Variants in STMN2 observed in about 807,000 individuals in gnomAD.
STMN2 encodes stathmin 2, also known as stathmin-2.
STMN2 carries 2 observed loss-of-function variants against 24.1 expected under a neutral mutation model. The observed-to-expected ratio is 0.08, with a 90% CI of 0.03 to 0.26. The LOEUF (loss-of-function observed/expected upper bound fraction) is 0.26, where lower values mean the gene tolerates loss of function less well. Among genes scored for constraint, STMN2 ranks in the 10% least tolerant of loss-of-function variants. The probability of loss-of-function intolerance (pLI) is 1.00; values close to 1 mark genes in which losing one functional copy is unlikely to be tolerated. For synonymous variants in STMN2, 83 were observed against 77.5 expected (o/e 1.07, Z -0.37); for missense variants, 114 against 213.6 (o/e 0.53, Z 2.91).
At position 79,663,587 on chromosome 8, in the gene STMN2, A is replaced by G. The variant is rs566485235; in HGVS notation, c.481-1228A>G. ...ATAAGTTTTACTTTATAGCTGGTCA[A>G]GTTTATTTCTTCTGAACTAAAAGAA... On this transcript the variant is annotated intron_variant, in intron 4 of 4. Coordinates refer to ENST00000220876, the MANE Select transcript of STMN2 (RefSeq NM_007029.4). The G allele has an allele frequency of 1.4e-5, 21 of 1,526,298 alleles. No homozygotes were observed. In the South Asian group the frequency reaches 2.5e-4, roughly 18 times the overall value. 94.5% of individuals were successfully genotyped at this position (1,526,298 alleles called of 1,614,324 possible). A position where few individuals can be genotyped will look rare whatever the true frequency, so the allele number is the denominator to read the frequency against.
intron 4 of STMN2, among the ~76,000 whole-genome samples, chr8:79,657,952 G>A (rs1806413865): frequency 6.6e-6 from 1 of 152,200 alleles, no homozygotes; most frequent in African/African-American, 2.4e-5. Flanking sequence ...CAAAAGGCAT[G>A]ACACTGCCAA....
chr8:79,626,148 A>G (rs575412279), intron 1 of STMN2, among the ~76,000 whole-genome samples: 1 of 74,930 alleles, frequency 1.3e-5, no homozygotes, highest in South Asian at 5.1e-4. Flanking sequence ...TAAATTATCT[A>G]AGGTTAATAG....
chr8:79,634,658 T>C (rs1446089157), intron 1 of STMN2, among the ~76,000 whole-genome samples: 1 of 152,236 alleles, frequency 6.6e-6, no homozygotes, highest in Non-Finnish European at 1.5e-5. Flanking sequence ...TGGCTACATG[T>C]GACTTTGGCC....
intron 1 of STMN2, among the ~76,000 whole-genome samples, chr8:79,625,188 A>G (rs1809623372): frequency 6.6e-6 from 1 of 152,016 alleles, no homozygotes; most frequent in African/African-American, 2.4e-5. Flanking sequence ...ACTTTTTTCC[A>G]CATTTTGAAC....
rs757136955 is a variant in STMN2 at position 79,636,752 on chromosome 8, G to A, written c.20-50G>A. ...TATTCAAATTAAAGGAAGCAGTAAA[G>A]AGAAATTCAGAAAAAATGAAATATA... On this transcript the variant is annotated intron_variant, in intron 1 of 4. Coordinates refer to ENST00000220876, the MANE Select transcript of STMN2 (RefSeq NM_007029.4). The A allele has an allele frequency of 8.5e-6, 13 of 1,537,398 alleles. No homozygotes were observed. The South Asian group carries it at 1.4e-4, about 16-fold the overall frequency.
chr8:79,619,111 G>A (rs1470859426), intron 1 of STMN2, among the ~76,000 whole-genome samples: 1 of 151,802 alleles, frequency 6.6e-6, no homozygotes, highest in Non-Finnish European at 1.5e-5. Flanking sequence ...GCCTGCAAGA[G>A]TGCCCATTTA....
chr8:79,641,662 A>T, intron 3 of STMN2, 112 bp downstream of exon 3: 2 of 830,082 alleles, frequency 2.4e-6, no homozygotes, highest in Admixed American at 2.7e-5. Context: ...ACACACACAC[A>T]CACACACACA....
chr8:79,660,085 A>G (rs546247123), intron 4 of STMN2, among the ~76,000 whole-genome samples: 1 of 152,210 alleles, frequency 6.6e-6, no homozygotes, highest in African/African-American at 2.4e-5. Flanking sequence ...AATCAAGCAT[A>G]TAACACAACC....
intron 1 of STMN2, among the ~76,000 whole-genome samples, chr8:79,629,793 G>A (rs1466832021): frequency 1.3e-5 from 2 of 151,982 alleles, no homozygotes; most frequent in Non-Finnish European, 2.9e-5. Flanking sequence ...GTGAAACATC[G>A]ATAAATATTA....
At chr8:79,615,291 T>C (rs976091887) in intron 1 of STMN2, among the ~76,000 whole-genome samples, 1 of 152,216 alleles carries the variant, frequency 6.6e-6, no homozygotes, top group Non-Finnish European at 1.5e-5. Flanking sequence ...GCTACCTTGG[T>C]AGCTCATTGC....
intron 3 of STMN2, 82 bp downstream of exon 3, chr8:79,641,632 A>ACG (rs1322718152): frequency 3.9e-5 from 11 of 282,730 alleles, no homozygotes; most frequent in Non-Finnish European, 1.1e-5. Flanking sequence ...ATGCACGCAC[A>ACG]CACACACACA....
At chr8:79,648,053 C>G (rs1403016281) in intron 3 of STMN2, among the ~76,000 whole-genome samples, 1 of 152,196 alleles carries the variant, frequency 6.6e-6, no homozygotes, top group Non-Finnish European at 1.5e-5. Flanking sequence ...CCACTTTGGA[C>G]AATCAATTAC....
intron 1 of STMN2, among the ~76,000 whole-genome samples, chr8:79,632,080 G>C (rs1030422424): frequency 6.6e-6 from 1 of 152,154 alleles, no homozygotes; most frequent in Admixed American, 6.5e-5. Context: ...ATTAACTGCT[G>C]TCCTTTTAAA....
At chr8:79,626,095 T>C (rs1408384644) in intron 1 of STMN2, among the ~76,000 whole-genome samples, 1 of 152,052 alleles carries the variant, frequency 6.6e-6, no homozygotes, top group Non-Finnish European at 1.5e-5. Flanking sequence ...CAACACCCTA[T>C]CCCCATTTTG....
At chr8:79,635,370 A>G (rs951589958) in intron 1 of STMN2, among the ~76,000 whole-genome samples, 1 of 152,212 alleles carries the variant, frequency 6.6e-6, no homozygotes, top group Non-Finnish European at 1.5e-5. Flanking sequence ...AACTTAAAAC[A>G]GAGCTGCCAT....
intron 1 of STMN2, among the ~76,000 whole-genome samples, chr8:79,620,691 A>G (rs929635010): frequency 1.3e-5 from 2 of 152,170 alleles, no homozygotes; most frequent in Non-Finnish European, 2.9e-5. Context: ...CACTAGTAAC[A>G]TCAACTAGGA....
intron 1 of STMN2, among the ~76,000 whole-genome samples, chr8:79,624,696 G>A (rs747860631): frequency 2.0e-5 from 3 of 152,148 alleles, no homozygotes; most frequent in Admixed American, 1.3e-4. Flanking sequence ...GAATACATAC[G>A]GTGAGGATAG....
intron 3 of STMN2, among the ~76,000 whole-genome samples, chr8:79,647,109 C>T (rs558332777): frequency 6.6e-6 from 1 of 152,154 alleles, no homozygotes; most frequent in Non-Finnish European, 1.5e-5. Flanking sequence ...GCAACATTTT[C>T]GTTGCCCTGG....
intron 1 of STMN2, among the ~76,000 whole-genome samples, chr8:79,631,621 C>T (rs905100346): frequency 6.6e-6 from 1 of 152,024 alleles, no homozygotes; most frequent in Non-Finnish European, 1.5e-5. Context: ...ATATTTTATG[C>T]TCCAAATTTG....
Sources: allele counts gnomAD v4.1 joint callset (sites outside exome capture counted in the v4.1 genomes callset), GRCh38; gene constraint gnomAD v4.1.1; transcripts MANE v1.5; gene names NCBI Gene and HGNC (gene_info 2026-07-23, HGNC 2026-07-21).